USP34: variants seen among roughly 807,000 people sequenced by gnomAD.
USP34 encodes ubiquitin carboxyl-terminal hydrolase 34.
In USP34, 70 loss-of-function variants were observed where a neutral mutation model predicts 460.3. The ratio of observed to expected loss-of-function variants is 0.15; its 90% CI spans 0.13 to 0.19. The LOEUF (loss-of-function observed/expected upper bound fraction) is 0.19, where lower values mean the gene tolerates loss of function less well. USP34 is among the 10% of genes least tolerant of loss of function. USP34 has a pLI of 1.00. For missense variants in USP34, 3,985 were observed against 4,236.2 expected, an observed-to-expected ratio of 0.94 and a Z score of 1.65; for synonymous variants, 1,647 against 1,405.3, an observed-to-expected ratio of 1.17 and a Z score of -3.85.
At chr2:61,253,835 G>C (rs762413494) in intron 48 of USP34, among the ~76,000 whole-genome samples, 2 of 151,684 alleles carry the variant, frequency 1.3e-5, no homozygotes, top group Non-Finnish European at 2.9e-5. Flanking sequence ...CCCAGGTTCA[G>C]GTGATTCTCC....
chr2:61,222,413 C>A (rs1017845388), intron 65 of USP34, among the ~76,000 whole-genome samples: 1 of 152,150 alleles, frequency 6.6e-6, no homozygotes, highest in African/African-American at 2.4e-5. Context: ...AGTCTATACA[C>A]ATATTTACAT....
rs761795038 is a variant in USP34, at chr2:61,348,891, A to G, written c.1544-5T>C. ...GAGGACTAGCTGCAGGTGACCCTAT[A>G]TAAAATACATTTTTTGTTTTTACTT... On this transcript the variant is annotated splice_region_variant and splice_polypyrimidine_tract_variant and intron_variant, in intron 13 of 79. Coordinates refer to ENST00000398571, the MANE Select transcript of USP34 (RefSeq NM_014709.4). 12 of 1,592,908 alleles carry G rather than the reference A, an allele frequency of 7.5e-6. No homozygotes were observed. The East Asian group carries it at 2.0e-4, about 27-fold the overall frequency.
chr2:61,414,986 CAATTAGAGGT>C (rs1573018068), intron 2 of USP34, among the ~76,000 whole-genome samples: 2 of 152,112 alleles, frequency 1.3e-5, no homozygotes, highest in Non-Finnish European at 2.9e-5. Flanking sequence ...AGGAGGGGAC[CAATTAGAGGT>C]AATTTCAATT....
At chr2:61,391,779 ACTCTAAG>A (rs1293332342) in intron 5 of USP34, among the ~76,000 whole-genome samples, 2 of 152,120 alleles carry the variant, frequency 1.3e-5, no homozygotes, top group Non-Finnish European at 2.9e-5. Context: ...TACAAAAAGA[ACTCTAAG>A]CTCTTAATGT....
intron 41 of USP34, among the ~76,000 whole-genome samples, chr2:61,270,847 C>G (rs75087816): frequency 0.011 from 1,688 of 152,290 alleles, 31 homozygotes; most frequent in African/African-American, 0.038. Context: ...CAAGTTTCTC[C>G]TATACTTCCT....
chr2:61,422,603 C>T (rs1456449250), intron 1 of USP34, among the ~76,000 whole-genome samples: 2 of 152,168 alleles, frequency 1.3e-5, no homozygotes, highest in African/African-American at 4.8e-5. Context: ...CTATTCAACA[C>T]AGTATTAGAA....
At chr2:61,404,414 A>T (rs1381594612) in intron 3 of USP34, among the ~76,000 whole-genome samples, 1 of 152,178 alleles carries the variant, frequency 6.6e-6, no homozygotes, top group African/African-American at 2.4e-5. Flanking sequence ...TACCCCTTTG[A>T]ATCTGGGCTG....
chr2:61,203,000 G>T, intron 75 of USP34, 140 bp downstream of exon 75: 1 of 937,672 alleles, frequency 1.1e-6, no homozygotes, highest in Non-Finnish European at 1.5e-6. Flanking sequence ...AAATTAAAAT[G>T]TTCCCAAGAA....
chr2:61,242,401 A>C lies in USP34; in HGVS notation c.6628-582T>G, dbSNP rs533626558. Among the ~76,000 whole-genome samples, 47 of 151,880 alleles carry C rather than the reference A, an allele frequency of 3.1e-4. 1 individual carries two copies. The highest frequency in any genetic ancestry group is 3.4e-3 in the Middle Eastern group (1 of 294). On this transcript the variant is annotated intron_variant, in intron 51 of 79. Transcript: ENST00000398571. ...TCCAACTGATGGGAGACAGCAAAAG[A>C]AGCATCAGAAAAAGGTAAGAGTCAG...
chr2:61,280,326 G>A lies in USP34; in HGVS notation c.5174C>T (p.Pro1725Leu). 1 of 1,530,300 alleles carries A rather than the reference G, an allele frequency of 6.5e-7. No homozygotes were observed. Among genetic ancestry groups the A allele is most frequent in the Non-Finnish European group, 8.8e-7 (1 of 1,140,634 alleles). The allele number at this position is 1,530,300 out of a possible 1,614,324, so 94.8% of individuals were successfully genotyped here. A position where few individuals can be genotyped will look rare whatever the true frequency, so the allele number is the denominator to read the frequency against. ...PIRIDDYEEE[P>L]ILKPGCKEYF... is the part of the protein sequence containing the mutation. ...CTCTTTACATCCTGGTTTTAATATT[G>A]GTTCTTCCTCATAATCATCTATCTA... The change falls in exon 39 of 80, where the codon CCA (proline) becomes CTA (leucine). Residue 1725 changes from proline to leucine, a missense_variant. This residue lies in a region of USP34 where 1,114 missense variants were observed against 1,122.5 expected (regional missense o/e 0.99). Coordinates refer to ENST00000398571, the MANE Select transcript of USP34 (RefSeq NM_014709.4).
chr2:61,282,024 C>T (rs1213323792), intron 37 of USP34, among the ~76,000 whole-genome samples: 1 of 152,184 alleles, frequency 6.6e-6, no homozygotes, highest in Non-Finnish European at 1.5e-5. Flanking sequence ...GAGTCTTGCT[C>T]TGTCTTCCAG....
intron 1 of USP34, among the ~76,000 whole-genome samples, chr2:61,427,577 A>G (rs1694548718): frequency 6.6e-6 from 1 of 152,234 alleles, no homozygotes; most frequent in South Asian, 2.1e-4. Flanking sequence ...AGGAAACTCA[A>G]AGAAATTCAA....
At chr2:61,416,821 T>TTTTGGG in intron 2 of USP34, 1 of 215,908 alleles carries the variant, frequency 4.6e-6, no homozygotes, top group Non-Finnish European at 8.3e-6. Context: ...TTTTTTTTTT[T>TTTTGGG]GGGGGGGGGG....
At chr2:61,231,305 G>GGGTGGC (rs1687889622) in intron 58 of USP34, among the ~76,000 whole-genome samples, 1 of 151,818 alleles carries the variant, frequency 6.6e-6, no homozygotes, top group African/African-American at 2.4e-5. Context: ...TGGGGGGTGG[G>GGGTGGC]GGTGGCAAAT....
chr2:61,344,169 G>C (rs2103766723), intron 15 of USP34, 140 bp from the exon 16 acceptor site: 3 of 738,634 alleles, frequency 4.1e-6, no homozygotes, highest in South Asian at 3.8e-5. Flanking sequence ...GGAATGTTGA[G>C]AGCTTTACGA....
intron 1 of USP34, among the ~76,000 whole-genome samples, chr2:61,431,084 A>T (rs1694663146): frequency 6.6e-6 from 1 of 152,218 alleles, no homozygotes; most frequent in Admixed American, 6.5e-5. Context: ...TAGACACTGG[A>T]AAGGTTAGAG....
chr2:61,299,606 C>A (rs1210282104), intron 29 of USP34, among the ~76,000 whole-genome samples: 1 of 151,972 alleles, frequency 6.6e-6, no homozygotes, highest in African/African-American at 2.4e-5. Flanking sequence ...AAAAAATTAG[C>A]CAGGCACATT....
intron 18 of USP34, among the ~76,000 whole-genome samples, chr2:61,336,058 G>A (rs977449396): frequency 6.6e-6 from 1 of 151,814 alleles, no homozygotes; most frequent in Non-Finnish European, 1.5e-5. Context: ...AAATTACAGC[G>A]TATATCAAAA....
chr2:61,218,780 G>C lies in USP34; in HGVS notation c.8047+1530C>G, dbSNP rs377339677. Among the ~76,000 whole-genome samples the C allele has an allele frequency of 6.6e-5, 10 of 152,244 alleles. 1 individual carries two copies. The East Asian group carries it at 1.9e-3, about 29-fold the overall frequency. On this transcript the variant is annotated intron_variant, in intron 67 of 79. Coordinates refer to ENST00000398571, the MANE Select transcript of USP34 (RefSeq NM_014709.4). Reference sequence around the variant, plus strand: ...GTGTCATGGTTAGATTCAGGTTATAGGTTTTTGGAAGGAAGACCACAAGAG... The same window carrying C: ...GTGTCATGGTTAGATTCAGGTTATACGTTTTTGGAAGGAAGACCACAAGAG...
Sources: gnomAD v4.1 joint callset for allele counts (sites outside exome capture counted in the v4.1 genomes callset) on GRCh38, gnomAD v4.1.1 for gene constraint, gnomAD v4.1.1 regional missense constraint, MANE v1.5 for transcripts, NCBI Gene and HGNC (gene_info 2026-07-23, HGNC 2026-07-21) for gene names.